Variants in ADARB2 observed in about 807,000 individuals in gnomAD.
ADARB2 encodes adenosine deaminase RNA specific B2 (inactive), also known as inactive double-stranded RNA-specific editase B2.
ADARB2 carries 25 observed loss-of-function variants against 62.2 expected under a neutral mutation model. The ratio of observed to expected loss-of-function variants is 0.40; its 90% CI spans 0.29 to 0.56. ADARB2 has a LOEUF of 0.56. Among genes scored for constraint, ADARB2 ranks in the 20% least tolerant of loss-of-function variants. The pLI is 0.43. For synonymous variants in ADARB2, 572 were observed against 500.8 expected, an observed-to-expected ratio of 1.14 and a Z score of -1.90; for missense variants, 1,071 against 1,077.4, an observed-to-expected ratio of 0.99 and a Z score of 0.08.
intron 1 of ADARB2, among the ~76,000 whole-genome samples, chr10:1,625,405 G>A (rs887085181): frequency 6.6e-6 from 1 of 152,372 alleles, no homozygotes; most frequent in African/African-American, 2.4e-5. Flanking sequence ...GCAGCTTACA[G>A]GGACTGAGGT....
intron 1 of ADARB2, among the ~76,000 whole-genome samples, chr10:1,578,161 T>A (rs6560740): frequency 2.0e-5 from 3 of 151,950 alleles, no homozygotes; most frequent in Non-Finnish European, 4.4e-5. Flanking sequence ...GGATGGAAAT[T>A]TGAACGAGGT....
chr10:1,349,174 C>T (rs1019445380), intron 3 of ADARB2, among the ~76,000 whole-genome samples: 4 of 152,124 alleles, frequency 2.6e-5, no homozygotes, highest in African/African-American at 9.7e-5. Flanking sequence ...ACCTTATGAA[C>T]GTCCTTCTCC....
intron 8 of ADARB2, among the ~76,000 whole-genome samples, chr10:1,185,247 C>T (rs1188789845): frequency 1.3e-5 from 2 of 152,232 alleles, no homozygotes; most frequent in East Asian, 1.9e-4. Context: ...TCCACGGCGT[C>T]GCTGCACCTG....
chr10:1,337,844 C>T (rs567960075), intron 3 of ADARB2, among the ~76,000 whole-genome samples: 59 of 152,310 alleles, frequency 3.9e-4, no homozygotes, highest in Non-Finnish European at 7.8e-4. Context: ...AAAGGGGGTG[C>T]CATTAATTCA....
intron 1 of ADARB2, among the ~76,000 whole-genome samples, chr10:1,437,243 C>A: frequency 9.7e-6 from 1 of 102,980 alleles, no homozygotes; most frequent in East Asian, 3.1e-4. Flanking sequence ...CACACACACA[C>A]ATATATATAC....
chr10:1,336,931 AAAC>A (rs2131836593), intron 3 of ADARB2, among the ~76,000 whole-genome samples: 1 of 152,224 alleles, frequency 6.6e-6, no homozygotes, highest in Non-Finnish European at 1.5e-5. Flanking sequence ...TTTTCCATCT[AAAC>A]AGAGTACACA....
chr10:1,288,378 A>G (rs1178977221), intron 3 of ADARB2, among the ~76,000 whole-genome samples: 1 of 152,260 alleles, frequency 6.6e-6, no homozygotes, highest in East Asian at 1.9e-4. Flanking sequence ...GGCTGACTGC[A>G]TAGCAGGTGC....
chr10:1,644,033 T>A (rs1379510458), intron 1 of ADARB2, among the ~76,000 whole-genome samples: 2 of 152,074 alleles, frequency 1.3e-5, no homozygotes, highest in Admixed American at 1.3e-4. Context: ...CGGCCCAAGG[T>A]AAATAAAACT....
At chr10:1,212,935 G>T (rs763400868) in intron 7 of ADARB2, among the ~76,000 whole-genome samples, 1 of 152,144 alleles carries the variant, frequency 6.6e-6, no homozygotes, top group Non-Finnish European at 1.5e-5. Context: ...GAACTCAGAC[G>T]CAGAAGCAGA....
chr10:1,508,304 C>T (rs760427866), intron 1 of ADARB2, among the ~76,000 whole-genome samples: 17 of 152,304 alleles, frequency 1.1e-4, no homozygotes, highest in African/African-American at 3.1e-4. Context: ...TGAAGACACA[C>T]GCTATGGTCA....
In ADARB2 at chr10:1,418,243, C is replaced by T. The variant is rs138582180; in HGVS notation, c.101-39083G>A. 2.3e-3 allele frequency among the ~76,000 whole-genome samples: 349 copies of T among 152,310 alleles called. 1 individual carries two copies. Among genetic ancestry groups the T allele is most frequent in the African/African-American group, 8.0e-3 (334 of 41,562 alleles). ...TAGTCCTGGTGTGGGGAAGTGTCTCCTTAGAATTTCAAGTCGGCTATGAGC... is the reference window on the plus strand; with the variant it reads ...TAGTCCTGGTGTGGGGAAGTGTCTCTTTAGAATTTCAAGTCGGCTATGAGC... On this transcript the variant is annotated intron_variant, in intron 1 of 9. Coordinates refer to ENST00000381312, the MANE Select transcript of ADARB2 (RefSeq NM_018702.4).
At chr10:1,675,246 C>T (rs1428521081) in intron 1 of ADARB2, 4 of 946,468 alleles carry the variant, frequency 4.2e-6, no homozygotes, top group South Asian at 5.1e-5. Context: ...GGTTTGGGTT[C>T]AGGGATGCAT....
intron 1 of ADARB2, among the ~76,000 whole-genome samples, chr10:1,402,393 G>T (rs1352581360): frequency 3.9e-5 from 6 of 152,170 alleles, no homozygotes; most frequent in African/African-American, 1.4e-4. Flanking sequence ...GGTGGGGTCG[G>T]GGGAGAATAG....
chr10:1,209,533 C>A (rs1018688717), intron 7 of ADARB2, among the ~76,000 whole-genome samples: 1 of 149,116 alleles, frequency 6.7e-6, no homozygotes, highest in Non-Finnish European at 1.5e-5. Context: ...ACACCTACAG[C>A]CTCGCCCACA....
At chr10:1,731,309 C>T (rs1047745057) in intron 1 of ADARB2, among the ~76,000 whole-genome samples, 1 of 152,154 alleles carries the variant, frequency 6.6e-6, no homozygotes, top group African/African-American at 2.4e-5. Flanking sequence ...TCCTCCATTC[C>T]TTTTAAATCA....
intron 1 of ADARB2, among the ~76,000 whole-genome samples, chr10:1,585,040 T>C (rs1312707990): frequency 6.6e-6 from 1 of 152,152 alleles, no homozygotes; most frequent in East Asian, 1.9e-4. Flanking sequence ...ATACATGCCA[T>C]TGTACATTTG....
chr10:1,345,385 G>T (rs1832071707), intron 3 of ADARB2, among the ~76,000 whole-genome samples: 1 of 152,208 alleles, frequency 6.6e-6, no homozygotes, highest in Admixed American at 6.5e-5. Context: ...CAGCTGGCAA[G>T]AGGCAGAGCC....
At chr10:1,357,720 C>T (rs1832209770) in intron 3 of ADARB2, among the ~76,000 whole-genome samples, 1 of 152,102 alleles carries the variant, frequency 6.6e-6, no homozygotes. Context: ...GCATAAGTAT[C>T]TTAAATAATT....
chr10:1,374,619 C>T (rs1481346318), intron 2 of ADARB2, among the ~76,000 whole-genome samples: 1 of 152,180 alleles, frequency 6.6e-6, no homozygotes, highest in East Asian at 1.9e-4. Flanking sequence ...CCTCCCTCTG[C>T]CCGCCGTATG....
Sources: allele counts gnomAD v4.1 joint callset (sites outside exome capture counted in the v4.1 genomes callset), GRCh38; gene constraint gnomAD v4.1.1; transcripts MANE v1.5; gene names NCBI Gene and HGNC (gene_info 2026-07-23, HGNC 2026-07-21).